PDE4D: variants seen among roughly 807,000 people sequenced by gnomAD.
PDE4D encodes the protein 3',5'-cyclic-AMP phosphodiesterase 4D.
PDE4D carries 24 observed loss-of-function variants against 87.4 expected under a neutral mutation model. The ratio of observed to expected loss-of-function variants is 0.27; its 90% CI spans 0.20 to 0.39. The LOEUF (loss-of-function observed/expected upper bound fraction) is 0.39, where lower values mean the gene tolerates loss of function less well. Ranked by LOEUF, PDE4D falls within the 10% of genes least tolerant of loss-of-function variation. The pLI is 1.00. For synonymous variants in PDE4D, 384 were observed against 383.2 expected, an observed-to-expected ratio of 1.00 and a Z score of -0.02; for missense variants, 714 against 1,041.0, an observed-to-expected ratio of 0.69 and a Z score of 4.32.
At chr5:60,117,638 C>T (rs769230795) in intron 2 of PDE4D, among the ~76,000 whole-genome samples, 13 of 152,070 alleles carry the variant, frequency 8.5e-5, no homozygotes, top group Non-Finnish European at 1.3e-4. Context: ...TCCCACAACA[C>T]ATGATCCATC....
intron 1 of PDE4D, among the ~76,000 whole-genome samples, chr5:59,329,164 C>T (rs1024857873): frequency 3.0e-4 from 46 of 152,180 alleles, no homozygotes; most frequent in Admixed American, 2.9e-3. Flanking sequence ...CACCCAGTTG[C>T]TTCATTCCAT....
In PDE4D at chr5:59,147,401, TA is replaced by T. The variant is rs574809560; in HGVS notation, c.808+33193del. ...TTCAGTTAAATTGGAAGATTTTTTT[TA>T]AAAAAAACCTCAAACATTTTCTAAA... is the stretch of plus-strand genomic sequence containing the variant. On this transcript the variant is annotated intron_variant, in intron 5 of 14. Transcript: ENST00000340635. 3.9e-4 allele frequency among the ~76,000 whole-genome samples: 59 copies of T among 152,110 alleles called. 1 individual carries two copies. In the South Asian group the frequency reaches 0.011, roughly 28 times the overall value.
chr5:60,387,343 G>A (rs372418208), intron 1 of PDE4D, among the ~76,000 whole-genome samples: 1 of 152,218 alleles, frequency 6.6e-6, no homozygotes, highest in Non-Finnish European at 1.5e-5. Context: ...TGACGTCAAT[G>A]TTAGAGCCAG....
rs560660188 is a variant in PDE4D, at chr5:59,438,511, T to C, written c.456-222543A>G. On this transcript the variant is annotated intron_variant, in intron 1 of 14. Transcript: ENST00000340635. ...GATGTGCAAGCATATTTTACGTTTG[T>C]CGAGTTTTTAAACTAGGGGACTTTA... Among the ~76,000 whole-genome samples, 411 of 152,328 alleles carry C rather than the reference T, an allele frequency of 2.7e-3. 1 individual carries two copies. Among genetic ancestry groups the C allele is most frequent in the South Asian group, 6.2e-3 (30 of 4,826 alleles).
chr5:58,988,871 G>A (rs1242449598), intron 10 of PDE4D, among the ~76,000 whole-genome samples: 1 of 151,870 alleles, frequency 6.6e-6, no homozygotes, highest in African/African-American at 2.4e-5. Context: ...TATTTTAAAA[G>A]AAAATAATAG....
At chr5:59,176,270 C>CGGCCA (rs1177345995) in intron 5 of PDE4D, among the ~76,000 whole-genome samples, 2 of 151,966 alleles carry the variant, frequency 1.3e-5, no homozygotes, top group African/African-American at 4.8e-5. Context: ...ATCAAACTCT[C>CGGCCA]GGCCAGGTGT....
chr5:59,366,968 A>C (rs972874387), intron 1 of PDE4D, among the ~76,000 whole-genome samples: 9 of 152,236 alleles, frequency 5.9e-5, no homozygotes, highest in African/African-American at 1.9e-4. Context: ...CTGAACACTC[A>C]GCCCATGTTT....
At chr5:59,522,342 G>A (rs1273082908) in intron 1 of PDE4D, among the ~76,000 whole-genome samples, 1 of 152,138 alleles carries the variant, frequency 6.6e-6, no homozygotes, top group African/African-American at 2.4e-5. Flanking sequence ...GGTATACTCA[G>A]GGCACTGGAG....
intron 1 of PDE4D, among the ~76,000 whole-genome samples, chr5:59,468,646 T>G (rs1801952887): frequency 6.6e-6 from 1 of 152,226 alleles, no homozygotes; most frequent in African/African-American, 2.4e-5. Flanking sequence ...TTGGTTATTT[T>G]AAAAATGAAT....
intron 1 of PDE4D, among the ~76,000 whole-genome samples, chr5:59,765,450 A>G (rs1274792099): frequency 6.6e-6 from 1 of 152,214 alleles, no homozygotes; most frequent in African/African-American, 2.4e-5. Flanking sequence ...TATATAACCA[A>G]GATAGATTAG....
chr5:59,336,074 C>T (rs1185417902), intron 1 of PDE4D, among the ~76,000 whole-genome samples: 1 of 152,190 alleles, frequency 6.6e-6, no homozygotes, highest in African/African-American at 2.4e-5. Context: ...TAAGGCACTT[C>T]AAGGTAATCA....
At chr5:59,633,082 G>A (rs772285135) in intron 1 of PDE4D, among the ~76,000 whole-genome samples, 2 of 152,080 alleles carry the variant, frequency 1.3e-5, no homozygotes, top group African/African-American at 2.4e-5. Flanking sequence ...CGAGAACATC[G>A]TGAAGCTTAC....
chr5:59,069,227 C>T (rs1046600543), intron 5 of PDE4D, among the ~76,000 whole-genome samples: 5 of 152,170 alleles, frequency 3.3e-5, no homozygotes, highest in African/African-American at 1.2e-4. Flanking sequence ...ACCATGGAAA[C>T]ACAGTTTTAC....
chr5:59,452,101 G>A (rs1000437026), intron 1 of PDE4D, among the ~76,000 whole-genome samples: 9 of 152,098 alleles, frequency 5.9e-5, no homozygotes, highest in African/African-American at 1.9e-4. Context: ...TATTGTTAGT[G>A]TATTTTCTGT....
intron 1 of PDE4D, among the ~76,000 whole-genome samples, chr5:59,421,626 G>A (rs1232620794): frequency 6.6e-6 from 1 of 152,066 alleles, no homozygotes; most frequent in Non-Finnish European, 1.5e-5. Flanking sequence ...AGACCAGATG[G>A]TAAGAGTAAG....
rs370784270 is a variant in PDE4D at position 60,468,130 on chromosome 5, C to CTTTTTTTTTTTTTTTT, written c.-90+19811_-90+19812insAAAAAAAAAAAAAAAA. Among the ~76,000 whole-genome samples, 56 of 126,176 alleles carry CTTTTTTTTTTTTTTTT rather than the reference C, an allele frequency of 4.4e-4. 1 individual carries two copies. The highest frequency in any genetic ancestry group is 1.4e-3 in the East Asian group (5 of 3,634). The allele number at this position is 126,176 out of a possible 152,430, so 82.8% of individuals were successfully genotyped here. On this transcript the variant is annotated intron_variant, in intron 1 of 16. Transcript: ENST00000502484. ...TCTAATACACATCCTAACTTTCTTT[C>CTTTTTTTTTTTTTTTT]TTTTTTCTTTTTTTTTTGTTTTTTT...
In PDE4D at chr5:59,381,583, T is replaced by C. The variant is rs116727651; in HGVS notation, c.456-165615A>G. ...AAATCTCACACAATCACCTCTTTTA[T>C]ATACTAATGAAAGCACGGTGCACAA... On this transcript the variant is annotated intron_variant, in intron 1 of 14. Transcript: ENST00000340635. 3.0e-3 allele frequency among the ~76,000 whole-genome samples: 450 copies of C among 152,318 alleles called. 4 individuals are homozygous for C. Among genetic ancestry groups the C allele is most frequent in the African/African-American group, 0.01 (423 of 41,590 alleles).
chr5:60,312,436 T>G (rs569239019), intron 1 of PDE4D, among the ~76,000 whole-genome samples: 2 of 152,298 alleles, frequency 1.3e-5, no homozygotes, highest in African/African-American at 4.8e-5. Context: ...ACTGGGTAAT[T>G]TATAAAGGAA....
chr5:60,172,633 G>T (rs1783569552), intron 2 of PDE4D, among the ~76,000 whole-genome samples: 1 of 152,058 alleles, frequency 6.6e-6, no homozygotes, highest in Non-Finnish European at 1.5e-5. Context: ...AGGGTTGAGG[G>T]GAGAAAAGAA....
Sources: gnomAD v4.1 joint callset for allele counts (sites outside exome capture counted in the v4.1 genomes callset) on GRCh38, gnomAD v4.1.1 for gene constraint, MANE v1.5 for transcripts, NCBI Gene and HGNC (gene_info 2026-07-23, HGNC 2026-07-21) for gene names.